The following UVRAG variants were observed in gnomAD, a reference collection of about 807,000 sequenced individuals.
The protein encoded by UVRAG is UV radiation resistance-associated gene protein.
A neutral mutation model predicts 78.0 loss-of-function variants in UVRAG; 19 were observed. That is an observed-to-expected ratio of 0.24 (90% CI 0.17 to 0.36). The LOEUF (loss-of-function observed/expected upper bound fraction) is 0.36. UVRAG is among the 10% of genes least tolerant of loss of function. The pLI is 1.00. For synonymous variants in UVRAG, 323 were observed against 324.6 expected (o/e 1.00, Z 0.05); for missense variants, 740 against 853.8 (o/e 0.87, Z 1.66).
intron 7 of UVRAG, among the ~76,000 whole-genome samples, chr11:75,965,386 A>T (rs1286058720): frequency 2.0e-5 from 3 of 152,182 alleles, no homozygotes; most frequent in African/African-American, 7.2e-5. Context: ...ATCTCGGCTC[A>T]CTGCACCCTC....
At chr11:76,005,503 A>T (rs1395861145) in intron 9 of UVRAG, among the ~76,000 whole-genome samples, 1 of 152,210 alleles carries the variant, frequency 6.6e-6, no homozygotes, top group African/African-American at 2.4e-5. Flanking sequence ...TGTTTTAGAT[A>T]ACTAAAAAAC....
intron 12 of UVRAG, among the ~76,000 whole-genome samples, chr11:76,052,603 C>T (rs985099204): frequency 2.0e-5 from 3 of 152,198 alleles, no homozygotes; most frequent in Non-Finnish European, 4.4e-5. Context: ...ATCCAGTAGA[C>T]GTTTAATTTT....
At chr11:75,908,281 C>A (rs1277049493) in intron 5 of UVRAG, among the ~76,000 whole-genome samples, 2 of 152,122 alleles carry the variant, frequency 1.3e-5, no homozygotes, top group Non-Finnish European at 2.9e-5. Context: ...AATAATATTT[C>A]CTTGTATGAA....
intron 12 of UVRAG, 33 bp downstream of exon 12, chr11:76,017,013 A>G (rs1274126298): frequency 1.3e-6 from 2 of 1,513,376 alleles, no homozygotes; most frequent in Non-Finnish European, 1.8e-6. Context: ...AATGATTTTA[A>G]CATCAAGCCA....
intron 3 of UVRAG, among the ~76,000 whole-genome samples, chr11:75,875,511 T>C (rs1026456428): frequency 1.3e-5 from 2 of 151,980 alleles, no homozygotes; most frequent in African/African-American, 4.8e-5. Flanking sequence ...TTGCTACTTA[T>C]CTCTTTAAAT....
chr11:76,004,569 ATT>A (rs1464848563), intron 9 of UVRAG, among the ~76,000 whole-genome samples: 5 of 150,814 alleles, frequency 3.3e-5, no homozygotes, highest in African/African-American at 1.2e-4. Context: ...TTTTTACCTT[ATT>A]TTTTATCTTC....
rs947223288 is a variant in UVRAG at position 75,875,647 on chromosome 11, A to C, written c.271-4232A>C. Among the ~76,000 whole-genome samples the C allele has an allele frequency of 2.3e-4, 24 of 105,870 alleles. No homozygotes were observed. In the South Asian group the frequency reaches 6.5e-3, roughly 29 times the overall value. 69.5% of individuals were successfully genotyped at this position (105,870 alleles called of 152,430 possible). A position where few individuals can be genotyped will look rare whatever the true frequency, so the allele number is the denominator to read the frequency against. On this transcript the variant is annotated intron_variant, in intron 3 of 14. Transcript: ENST00000356136. ...TTTTTTTTTTCATATTGGTCTTTTT[A>C]TCTCTGCTGCATTCTGTGTAATTTC... is the stretch of plus-strand genomic sequence containing the variant.
At chr11:75,921,979 C>G (rs1471191825) in intron 6 of UVRAG, among the ~76,000 whole-genome samples, 2 of 152,032 alleles carry the variant, frequency 1.3e-5, no homozygotes, top group African/African-American at 4.8e-5. Flanking sequence ...TCAAGTAAGG[C>G]ACGTCCTGTT....
At chr11:75,873,266 G>A (rs1241575762) in intron 3 of UVRAG, among the ~76,000 whole-genome samples, 1 of 152,020 alleles carries the variant, frequency 6.6e-6, no homozygotes, top group Non-Finnish European at 1.5e-5. Context: ...ATGCTTTCTG[G>A]TCTTGGCCTT....
chr11:75,878,116 CG>C (rs1201136285), intron 3 of UVRAG, among the ~76,000 whole-genome samples: 4 of 150,014 alleles, frequency 2.7e-5, no homozygotes, highest in Non-Finnish European at 5.9e-5. Context: ...GGGCGGTTGC[CG>C]GGCGGAGGGT....
intron 14 of UVRAG, among the ~76,000 whole-genome samples, chr11:76,118,324 G>A (rs998471201): frequency 6.6e-5 from 10 of 152,042 alleles, no homozygotes; most frequent in South Asian, 2.1e-4. Context: ...TGGATTTTTT[G>A]TGTATACAAT....
chr11:76,074,916 A>T (rs1173596902), intron 13 of UVRAG, among the ~76,000 whole-genome samples: 1 of 152,142 alleles, frequency 6.6e-6, no homozygotes, highest in Non-Finnish European at 1.5e-5. Context: ...TTAAGACTTC[A>T]TAGAAAGTAA....
intron 8 of UVRAG, among the ~76,000 whole-genome samples, chr11:75,989,366 T>G (rs1949562419): frequency 6.6e-6 from 1 of 152,110 alleles, no homozygotes; most frequent in Admixed American, 6.5e-5. Context: ...GAACTTTCTT[T>G]GTGTTTGTTC....
chr11:76,033,280 G>A (rs1052243383), intron 12 of UVRAG, among the ~76,000 whole-genome samples: 5 of 152,158 alleles, frequency 3.3e-5, no homozygotes, highest in African/African-American at 1.2e-4. Context: ...TGGCTTCACA[G>A]AAAGGTGGAG....
intron 6 of UVRAG, among the ~76,000 whole-genome samples, chr11:75,942,623 A>T (rs2135140642): frequency 6.6e-6 from 1 of 152,322 alleles, no homozygotes; most frequent in Non-Finnish European, 1.5e-5. Flanking sequence ...TAGTTAAAAA[A>T]TACTATTTAA....
At chr11:76,105,220 A>G (rs1341418891) in intron 13 of UVRAG, among the ~76,000 whole-genome samples, 1 of 152,136 alleles carries the variant, frequency 6.6e-6, no homozygotes, top group Non-Finnish European at 1.5e-5. Flanking sequence ...CTTGGGCGAC[A>G]TTGCCAAACC....
chr11:75,821,393 G>T (rs1945383106), intron 1 of UVRAG, among the ~76,000 whole-genome samples: 1 of 152,164 alleles, frequency 6.6e-6, no homozygotes, highest in Admixed American at 6.5e-5. Flanking sequence ...CCAGGCTAAA[G>T]TGCAGTGGCA....
chr11:76,061,434 C>T (rs1037019086), intron 12 of UVRAG, among the ~76,000 whole-genome samples: 5 of 152,172 alleles, frequency 3.3e-5, no homozygotes, highest in Admixed American at 6.5e-5. Flanking sequence ...CCCTTCCACT[C>T]TGTGGAAGCT....
chr11:75,920,725 GA>G (rs1189836196), intron 6 of UVRAG, among the ~76,000 whole-genome samples: 1 of 151,944 alleles, frequency 6.6e-6, no homozygotes, highest in Non-Finnish European at 1.5e-5. Context: ...ATATGTCATA[GA>G]TATGATTTAT....
Sources: allele counts gnomAD v4.1 joint callset (sites outside exome capture counted in the v4.1 genomes callset), GRCh38; gene constraint gnomAD v4.1.1; transcripts MANE v1.5; gene names NCBI Gene and HGNC (gene_info 2026-07-23, HGNC 2026-07-21).